Variants in PRH1 observed in about 807,000 individuals in gnomAD.
PRH1 encodes salivary acidic proline-rich phosphoprotein 1/2.
A neutral mutation model predicts 7.9 loss-of-function variants in PRH1; 7 were observed. The observed-to-expected ratio is 0.89, with a 90% CI of 0.50 to 1.67. PRH1 has a LOEUF of 1.67. PRH1 is among the 40% of genes most tolerant of loss of function. The pLI, the probability that PRH1 is intolerant of heterozygous loss-of-function variation, is 0.00. For synonymous variants in PRH1, 45 were observed against 80.8 expected, an observed-to-expected ratio of 0.56 and a Z score of 2.38; for missense variants, 109 against 223.6, an observed-to-expected ratio of 0.49 and a Z score of 3.27.
At chr12:10,935,476 C>T (rs1373434599) in intron 2 of PRH1, among the ~76,000 whole-genome samples, 2 of 152,090 alleles carry the variant, frequency 1.3e-5, no homozygotes, top group Admixed American at 1.3e-4. Flanking sequence ...ATATTAATCC[C>T]ACACAGCAGC....
At chr12:10,988,516 T>C (rs1018740140) in intron 1 of PRH1, among the ~76,000 whole-genome samples, 1 of 152,154 alleles carries the variant, frequency 6.6e-6, no homozygotes, top group African/African-American at 2.4e-5. Flanking sequence ...TGTGTATAAA[T>C]GGTGAATTTT....
rs551240468 is a variant in PRH1, at chr12:10,889,980, T to C, written c.-58-5705A>G. ...GCTCCTGTAAAGTCTTTGGTCATTT[T>C]AATATCTAAGTAATTTCAAGGTTGT... On this transcript the variant is annotated intron_variant, in intron 2 of 3. Coordinates refer to the PRH1 transcript ENST00000539853. Among the ~76,000 whole-genome samples, 5 of 152,338 alleles carry C rather than the reference T, an allele frequency of 3.3e-5. No homozygotes were observed. The South Asian group carries it at 1.0e-3, about 32-fold the overall frequency.
At chr12:10,909,241 C>T (rs1949858759) in intron 2 of PRH1, 6 of 1,613,630 alleles carry the variant, frequency 3.7e-6, no homozygotes, top group Non-Finnish European at 5.1e-6. Context: ...CTCAAATTCC[C>T]AATTATGAAT....
chr12:11,000,686 G>A (rs1222372487), intron 1 of PRH1, among the ~76,000 whole-genome samples: 1 of 152,040 alleles, frequency 6.6e-6, no homozygotes, highest in Non-Finnish European at 1.5e-5. Context: ...AAATCCAGAA[G>A]TATGTTAGAT....
At chr12:10,894,532 A>G (rs1949617752) in intron 2 of PRH1, among the ~76,000 whole-genome samples, 1 of 152,168 alleles carries the variant, frequency 6.6e-6, no homozygotes, top group Non-Finnish European at 1.5e-5. Context: ...TTTTTAGGAT[A>G]GGAACTAAAT....
intron 1 of PRH1, among the ~76,000 whole-genome samples, chr12:11,169,103 T>C (rs1202284721): frequency 6.6e-6 from 1 of 152,156 alleles, no homozygotes; most frequent in Non-Finnish European, 1.5e-5. Context: ...TGATGAAAAG[T>C]CAGTTAAAGG....
intron 2 of PRH1, among the ~76,000 whole-genome samples, chr12:10,971,106 T>C (rs1938794408): frequency 6.6e-6 from 1 of 152,194 alleles, no homozygotes; most frequent in Non-Finnish European, 1.5e-5. Flanking sequence ...CTCCCCGTGT[T>C]TACCACATCT....
intron 2 of PRH1, among the ~76,000 whole-genome samples, chr12:10,936,272 C>A (rs528083981): frequency 6.6e-6 from 1 of 152,000 alleles, no homozygotes; most frequent in East Asian, 1.9e-4. Flanking sequence ...AAACATAAGG[C>A]CCAGGCTAAG....
At chr12:10,919,422 G>A (rs1466451762) in intron 2 of PRH1, among the ~76,000 whole-genome samples, 3 of 152,128 alleles carry the variant, frequency 2.0e-5, no homozygotes, top group Non-Finnish European at 4.4e-5. Flanking sequence ...ACCTAACTTA[G>A]GATGGACAGA....
chr12:11,098,383 A>C (rs1269487277), intron 1 of PRH1, among the ~76,000 whole-genome samples: 2 of 152,090 alleles, frequency 1.3e-5, no homozygotes, highest in Non-Finnish European at 2.9e-5. Context: ...TTATTTTCAA[A>C]CAACTCAAAT....
rs1398593015 is a variant in PRH1, at chr12:11,079,877, G to C, written n.124-32689C>G. 1.7e-5 allele frequency among the ~76,000 whole-genome samples: 2 copies of C among 117,102 alleles called. 1 individual carries two copies. Among genetic ancestry groups the C allele is most frequent in the African/African-American group, 5.7e-5 (2 of 34,980 alleles). 76.8% of individuals were successfully genotyped at this position (117,102 alleles called of 152,430 possible). A position where few individuals can be genotyped will look rare whatever the true frequency, so the allele number is the denominator to read the frequency against. ...TGAATTTTTCCCTTCGGTATATAAT[G>C]AGCAGAGTAATAATAATTTTCATGG... On this transcript the variant is annotated intron_variant and non_coding_transcript_variant, in intron 1 of 4. Transcript: ENST00000541977.
At chr12:10,918,714 G>A (rs1327246948) in intron 2 of PRH1, among the ~76,000 whole-genome samples, 1 of 152,186 alleles carries the variant, frequency 6.6e-6, no homozygotes, top group Non-Finnish European at 1.5e-5. Flanking sequence ...GCAAAATGTG[G>A]CCAATTTGAA....
At chr12:11,061,362 A>G in intron 1 of PRH1, 2 of 1,610,370 alleles carry the variant, frequency 1.2e-6, no homozygotes, top group Non-Finnish European at 1.7e-6. Context: ...TGCTCTTGTG[A>G]ATCTATGAAG....
Position 11,099,494 on chromosome 12 carries a change from T to C in PRH1, n.124-52306A>G, listed in dbSNP as rs139913438. ...AGGGCAGATCACGAGGTCAAGAGAT[T>C]GAGACCATCCTGGCCAACATGGTGA... On this transcript the variant is annotated intron_variant and non_coding_transcript_variant, in intron 1 of 4. Coordinates refer to the PRH1 transcript ENST00000541977. 5.3e-5 allele frequency among the ~76,000 whole-genome samples: 8 copies of C among 152,036 alleles called. No homozygotes were observed. The East Asian group carries it at 9.6e-4, about 18-fold the overall frequency.
At chr12:11,031,175 G>T in intron 1 of PRH1, 1 of 1,614,184 alleles carries the variant, frequency 6.2e-7, no homozygotes, top group Non-Finnish European at 8.5e-7. Flanking sequence ...ACCAACTCTG[G>T]AGACCGCCAG....
At chr12:11,132,553 G>C (rs1323737589) in intron 1 of PRH1, among the ~76,000 whole-genome samples, 3 of 132,740 alleles carry the variant, frequency 2.3e-5, no homozygotes, top group African/African-American at 5.4e-5. Flanking sequence ...TATGGAAGCT[G>C]ATAATAGCAA....
intron 2 of PRH1, chr12:10,931,233 C>G (rs1325157481): frequency 1.0e-5 from 15 of 1,462,278 alleles, no homozygotes; most frequent in African/African-American, 1.4e-5. Flanking sequence ...GATAAGGTAG[C>G]AAGATCTTGT....
chr12:10,902,117 T>C (rs1591660732), intron 2 of PRH1, among the ~76,000 whole-genome samples: 1 of 151,732 alleles, frequency 6.6e-6, no homozygotes, highest in Admixed American at 6.6e-5. Flanking sequence ...TACAGAGAGA[T>C]TTCTAAAGCA....
intron 1 of PRH1, among the ~76,000 whole-genome samples, chr12:11,041,070 G>A (rs956726969): frequency 6.6e-6 from 1 of 151,472 alleles, no homozygotes; most frequent in Admixed American, 6.6e-5. Flanking sequence ...AACCAGAAAA[G>A]AAATAATAAA....
Sources: allele counts gnomAD v4.1 joint callset (sites outside exome capture counted in the v4.1 genomes callset), GRCh38; gene constraint gnomAD v4.1.1; transcripts MANE v1.5; gene names NCBI Gene and HGNC (gene_info 2026-07-23, HGNC 2026-07-21).